CALN1: variants seen among roughly 807,000 people sequenced by gnomAD.
The protein encoded by CALN1 is calneuron 1.
In CALN1, 17 loss-of-function variants were observed where a neutral mutation model predicts 30.6. The ratio of observed to expected loss-of-function variants is 0.56; its 90% confidence interval spans 0.38 to 0.83. The LOEUF is 0.83. Ranked by LOEUF, CALN1 falls within the 40% of genes least tolerant of loss-of-function variation. The pLI is 0.00. For missense variants in CALN1, 291 were observed against 354.9 expected (o/e 0.82, Z 1.45); for synonymous variants, 156 against 131.4 (o/e 1.19, Z -1.28).
At chr7:71,837,096 G>A (rs1789657859) in intron 5 of CALN1, among the ~76,000 whole-genome samples, 1 of 151,476 alleles carries the variant, frequency 6.6e-6, no homozygotes, top group African/African-American at 2.4e-5. Flanking sequence ...GTCGGGCATG[G>A]TAGCACGGGC....
At chr7:72,285,830 T>C (rs1020719118) in intron 2 of CALN1, among the ~76,000 whole-genome samples, 2 of 152,150 alleles carry the variant, frequency 1.3e-5, no homozygotes, top group African/African-American at 4.8e-5. Flanking sequence ...CTCTATAGAG[T>C]GCTAGAGAAG....
the CALN1 span, among the ~76,000 whole-genome samples, chr7:72,452,698 G>T: frequency 1.3e-5 from 2 of 152,190 alleles, 1 homozygote; most frequent in Admixed American, 1.3e-4. Flanking sequence ...GACTAATTCA[G>T]GGAGCTTAGC....
At chr7:72,403,022 C>G (rs149962051) in intron 2 of CALN1, among the ~76,000 whole-genome samples, 1 of 152,316 alleles carries the variant, frequency 6.6e-6, no homozygotes, top group African/African-American at 2.4e-5. Flanking sequence ...CCCCAAGAGT[C>G]AGTTTGCAAA....
intron 5 of CALN1, among the ~76,000 whole-genome samples, chr7:71,945,194 A>G (rs1796343751): frequency 6.6e-6 from 1 of 152,110 alleles, no homozygotes; most frequent in Non-Finnish European, 1.5e-5. Flanking sequence ...CCATGAATAA[A>G]AGCTTCCCAA....
At chr7:72,162,542 T>A (rs1054592250) in intron 3 of CALN1, among the ~76,000 whole-genome samples, 4 of 151,800 alleles carry the variant, frequency 2.6e-5, no homozygotes, top group African/African-American at 9.7e-5. Context: ...GAGATCAGCC[T>A]GGGCAACATG....
At chr7:71,871,536 C>T (rs1290050411) in intron 5 of CALN1, among the ~76,000 whole-genome samples, 1 of 152,134 alleles carries the variant, frequency 6.6e-6, no homozygotes, top group South Asian at 2.1e-4. Context: ...CACTCGAGGC[C>T]AGGAAAGTTT....
At chr7:71,881,449 G>A (rs1054212604) in intron 5 of CALN1, among the ~76,000 whole-genome samples, 1 of 152,126 alleles carries the variant, frequency 6.6e-6, no homozygotes, top group African/African-American at 2.4e-5. Flanking sequence ...CTTTGAAATA[G>A]CCCAGTCCTG....
intron 3 of CALN1, among the ~76,000 whole-genome samples, chr7:72,113,740 T>C (rs776394567): frequency 6.6e-6 from 1 of 152,284 alleles, no homozygotes; most frequent in African/African-American, 2.4e-5. Context: ...TGACAGGAAC[T>C]GTGGGGCCCA....
chr7:71,881,189 C>T (rs1792541743), intron 5 of CALN1, among the ~76,000 whole-genome samples: 1 of 152,194 alleles, frequency 6.6e-6, no homozygotes, highest in Non-Finnish European at 1.5e-5. Flanking sequence ...TTGCCAGGGG[C>T]TCTCAGGCCT....
chr7:72,295,241 A>G (rs1445821845), intron 2 of CALN1, among the ~76,000 whole-genome samples: 4 of 152,214 alleles, frequency 2.6e-5, no homozygotes, highest in Admixed American at 2.6e-4. Context: ...CAATGTTTAA[A>G]TTAAAGTTAT....
intron 2 of CALN1, among the ~76,000 whole-genome samples, chr7:72,295,427 G>C (rs1328253606): frequency 1.3e-5 from 2 of 151,974 alleles, no homozygotes; most frequent in East Asian, 3.8e-4. Context: ...GATGGGGATG[G>C]CATTGAATCT....
chr7:72,338,515 G>GTC (rs1562903888), intron 2 of CALN1, among the ~76,000 whole-genome samples: 3 of 148,682 alleles, frequency 2.0e-5, no homozygotes, highest in African/African-American at 7.6e-5. Context: ...GTGTGTGTGT[G>GTC]TGTGTGTGTG....
rs1792712089 is a variant in CALN1, at chr7:71,781,509, T to A, written c.*6266A>T. 1 of 152,220 alleles carries A rather than the reference T, an allele frequency of 6.6e-6. No homozygotes were observed. Among genetic ancestry groups the A allele is most frequent in the South Asian group, 2.1e-4 (1 of 4,830 alleles). The allele number at this position is 152,220 out of a possible 1,614,324, so 9.4% of individuals were successfully genotyped here. On this transcript the variant is annotated 3_prime_UTR_variant, in exon 7 of 7. Transcript: ENST00000395275. ...CTCAATGGCCTGCATGTTTCCAAAG[T>A]AGGCCAGCGATCCAGAGAAGACCTT... is the stretch of plus-strand genomic sequence containing the variant.
At chr7:72,346,823 T>C (rs765062576) in intron 2 of CALN1, among the ~76,000 whole-genome samples, 10 of 152,274 alleles carry the variant, frequency 6.6e-5, no homozygotes, top group Non-Finnish European at 1.0e-4. Flanking sequence ...CCAAAATTTG[T>C]TTATTTTTAA....
At chr7:72,192,896 A>G (rs1033662666) in intron 3 of CALN1, among the ~76,000 whole-genome samples, 1 of 149,388 alleles carries the variant, frequency 6.7e-6, no homozygotes, top group Non-Finnish European at 1.5e-5. Flanking sequence ...CTTTAAAAAA[A>G]TTTTGCCAGG....
intron 3 of CALN1, among the ~76,000 whole-genome samples, chr7:72,270,994 C>T (rs540427135): frequency 9.2e-5 from 14 of 152,096 alleles, no homozygotes; most frequent in South Asian, 4.2e-4. Context: ...TTACAGAATA[C>T]GAAGAGAGGT....
At chr7:72,014,150 G>A (rs1457375060) in intron 5 of CALN1, among the ~76,000 whole-genome samples, 1 of 146,446 alleles carries the variant, frequency 6.8e-6, no homozygotes, top group Non-Finnish European at 1.5e-5. Flanking sequence ...ACAGTGGCTT[G>A]GTCTCAGCTC....
intron 2 of CALN1, among the ~76,000 whole-genome samples, chr7:72,323,129 C>T (rs1801012099): frequency 6.6e-6 from 1 of 151,632 alleles, no homozygotes; most frequent in African/African-American, 2.4e-5. Flanking sequence ...TAAGTTTCAT[C>T]CTGACAACTG....
chr7:71,971,944 A>AGAAAG (rs1562946481), intron 5 of CALN1, among the ~76,000 whole-genome samples: 22 of 124,614 alleles, frequency 1.8e-4, no homozygotes, highest in African/African-American at 7.9e-4. Context: ...AAAAAAAAAA[A>AGAAAG]AAAAAAAAAA....
Sources: allele counts gnomAD v4.1 joint callset (sites outside exome capture counted in the v4.1 genomes callset), GRCh38; gene constraint gnomAD v4.1.1; transcripts MANE v1.5; gene names NCBI Gene and HGNC (gene_info 2026-07-23, HGNC 2026-07-21).